The following CNTNAP4 variants were observed in gnomAD, a reference collection of about 807,000 sequenced individuals.
The protein encoded by CNTNAP4 is contactin associated protein family member 4.
In CNTNAP4, 98 loss-of-function variants were observed where a neutral mutation model predicts 148.4. The observed-to-expected ratio is 0.66, with a 90% CI of 0.56 to 0.78. The LOEUF is 0.78. Among genes scored for constraint, CNTNAP4 ranks in the 30% least tolerant of loss-of-function variants. The probability of loss-of-function intolerance (pLI) is 0.00; values close to 1 mark genes in which losing one functional copy is unlikely to be tolerated. For missense variants in CNTNAP4, 1,935 were observed against 1,565.6 expected (o/e 1.24, Z -3.98); for synonymous variants, 730 against 565.1 (o/e 1.29, Z -4.14).
At chr16:76,547,553 A>G (rs2084789349) in intron 21 of CNTNAP4, among the ~76,000 whole-genome samples, 1 of 152,242 alleles carries the variant, frequency 6.6e-6, no homozygotes, top group Non-Finnish European at 1.5e-5. Flanking sequence ...CTTGGTTGAC[A>G]TTCATCCATC....
At chr16:76,294,704 C>T (rs1372542322) in intron 1 of CNTNAP4, among the ~76,000 whole-genome samples, 2 of 152,144 alleles carry the variant, frequency 1.3e-5, no homozygotes, top group African/African-American at 4.8e-5. Flanking sequence ...GTAATTTCTG[C>T]AACTTCTTGG....
intron 3 of CNTNAP4, among the ~76,000 whole-genome samples, chr16:76,407,366 T>C (rs1051968418): frequency 2.0e-5 from 3 of 152,004 alleles, no homozygotes; most frequent in Non-Finnish European, 4.4e-5. Context: ...CTCTTATTGA[T>C]ACTGATTCCT....
chr16:76,558,806 G>T lies in CNTNAP4; in HGVS notation c.*123G>T. The T allele has an allele frequency of 1.5e-6, 1 of 688,780 alleles. No homozygotes were observed. The highest frequency in any genetic ancestry group is 2.8e-5 in the East Asian group (1 of 35,426). 42.7% of individuals were successfully genotyped at this position (688,780 alleles called of 1,614,324 possible). A position where few individuals can be genotyped will look rare whatever the true frequency, so the allele number is the denominator to read the frequency against. Reference sequence around the variant, plus strand: ...AGTGGGCTTGCAGCACTGCCATCTTGCCATGTACAGGCTTGGGGTGGCTCC... The same window carrying T: ...AGTGGGCTTGCAGCACTGCCATCTTTCCATGTACAGGCTTGGGGTGGCTCC... On this transcript the variant is annotated 3_prime_UTR_variant, in exon 24 of 24. Transcript: ENST00000611870.
chr16:76,317,149 G>A (rs2144098806), intron 2 of CNTNAP4, among the ~76,000 whole-genome samples: 1 of 151,346 alleles, frequency 6.6e-6, no homozygotes, highest in Middle Eastern at 3.4e-3. Flanking sequence ...TGTAGTCCCA[G>A]CTATGGCTGA....
At chr16:76,435,883 T>C (rs1481873731) in intron 4 of CNTNAP4, among the ~76,000 whole-genome samples, 1 of 152,164 alleles carries the variant, frequency 6.6e-6, no homozygotes, top group African/African-American at 2.4e-5. Flanking sequence ...AAATTCAGCC[T>C]GATCTAATTC....
chr16:76,475,879 G>C, intron 10 of CNTNAP4, 60 bp from the exon 11 acceptor site: 1 of 1,157,202 alleles, frequency 8.6e-7, no homozygotes, highest in Non-Finnish European at 1.3e-6. Context: ...AGTATAAATG[G>C]TCAATACTTT....
intron 1 of CNTNAP4, 34 bp downstream of exon 1, chr16:76,277,781 G>A: frequency 1.5e-6 from 2 of 1,320,168 alleles, no homozygotes; most frequent in Non-Finnish European, 2.1e-6. Context: ...AAACTTGCTG[G>A]GGGGCTCTCT....
chr16:76,431,942 T>A (rs1368368358), intron 4 of CNTNAP4, among the ~76,000 whole-genome samples: 1 of 152,152 alleles, frequency 6.6e-6, no homozygotes, highest in Non-Finnish European at 1.5e-5. Flanking sequence ...TTCAAGGGCC[T>A]TTGATATATG....
intron 3 of CNTNAP4, among the ~76,000 whole-genome samples, chr16:76,403,240 C>CT (rs1460548039): frequency 6.6e-6 from 1 of 152,010 alleles, no homozygotes; most frequent in East Asian, 1.9e-4. Context: ...CTACAGGCAC[C>CT]TGCCACCACA....
chr16:76,508,603 A>G (rs1189079337), intron 15 of CNTNAP4, among the ~76,000 whole-genome samples: 2 of 94,764 alleles, frequency 2.1e-5, no homozygotes, highest in African/African-American at 5.2e-5. Context: ...TGAGGGAACA[A>G]AAATTGTTTT....
Position 76,530,882 on chromosome 16 carries a change from C to T in CNTNAP4, c.2756-4663C>T, listed in dbSNP as rs8050240. On this transcript the variant is annotated intron_variant, in intron 17 of 23. Transcript: ENST00000611870. Reference sequence around the variant, plus strand: ...CAAGGCAGAGTTTTCCACCAGGAAGCGAACAGGGTTGACGGTCCAATGCTT... The same window carrying T: ...CAAGGCAGAGTTTTCCACCAGGAAGTGAACAGGGTTGACGGTCCAATGCTT... Among the ~76,000 whole-genome samples, 1,507 of 152,268 alleles carry T rather than the reference C, an allele frequency of 9.9e-3. 18 individuals carry two copies. The highest frequency in any genetic ancestry group is 0.034 in the African/African-American group (1,426 of 41,540).
At chr16:76,448,468 G>A (rs1297766506) in intron 5 of CNTNAP4, among the ~76,000 whole-genome samples, 1 of 152,090 alleles carries the variant, frequency 6.6e-6, no homozygotes, top group Non-Finnish European at 1.5e-5. Context: ...AGGAAGGGAT[G>A]GGTCATTGAA....
chr16:76,430,175 A>G (rs751209660), intron 4 of CNTNAP4, among the ~76,000 whole-genome samples: 24 of 152,202 alleles, frequency 1.6e-4, no homozygotes, highest in South Asian at 4.1e-4. Context: ...GTGATATTAT[A>G]TAGCCATCAT....
intron 1 of CNTNAP4, among the ~76,000 whole-genome samples, chr16:76,280,980 G>A (rs1415743548): frequency 2.6e-5 from 4 of 152,028 alleles, no homozygotes; most frequent in Non-Finnish European, 4.4e-5. Flanking sequence ...ATACTGAGCC[G>A]TACTCTTGAG....
chr16:76,364,671 C>A (rs1284049197), intron 3 of CNTNAP4, among the ~76,000 whole-genome samples: 1 of 152,228 alleles, frequency 6.6e-6, no homozygotes, highest in East Asian at 1.9e-4. Context: ...CAGTTCTGTT[C>A]CTTTGAAGTG....
At chr16:76,395,736 GT>G (rs34841541) in intron 3 of CNTNAP4, among the ~76,000 whole-genome samples, 57,343 of 148,182 alleles carry the variant, frequency 0.39, 11,449 homozygotes, top group Middle Eastern at 0.51. Context: ...TCTCTGGATG[GT>G]TTTTTTTTTT....
intron 3 of CNTNAP4, among the ~76,000 whole-genome samples, chr16:76,397,175 T>C (rs1172799279): frequency 6.6e-6 from 1 of 151,786 alleles, no homozygotes; most frequent in Non-Finnish European, 1.5e-5. Context: ...ATGTCGTAGG[T>C]GATACCTGAA....
chr16:76,475,908 A>G, intron 10 of CNTNAP4, 31 bp from the exon 11 acceptor site: 3 of 1,504,306 alleles, frequency 2.0e-6, no homozygotes, highest in Non-Finnish European at 2.8e-6. Context: ...TAAAAATGGA[A>G]ACTGGTGATT....
chr16:76,381,376 T>C (rs1329417926), intron 3 of CNTNAP4, among the ~76,000 whole-genome samples: 1 of 152,126 alleles, frequency 6.6e-6, no homozygotes. Context: ...GAAGAGACTC[T>C]GAGAGACACA....
Sources: allele counts gnomAD v4.1 joint callset (sites outside exome capture counted in the v4.1 genomes callset), GRCh38; gene constraint gnomAD v4.1.1; transcripts MANE v1.5; gene names NCBI Gene and HGNC (gene_info 2026-07-23, HGNC 2026-07-21).